Variants in TRPM3 observed in about 807,000 individuals in gnomAD.
TRPM3 encodes transient receptor potential cation channel subfamily M member 3.
In TRPM3, 77 loss-of-function variants were observed where a neutral mutation model predicts 181.2. The observed-to-expected ratio is 0.42, with a 90% CI of 0.35 to 0.51. The LOEUF (loss-of-function observed/expected upper bound fraction) is 0.51, where lower values mean the gene tolerates loss of function less well. TRPM3 is among the 20% of genes least tolerant of loss of function. The pLI is 0.01. For synonymous variants in TRPM3, 745 were observed against 796.4 expected (o/e 0.94, Z 1.09); for missense variants, 1,759 against 2,196.7 (o/e 0.80, Z 3.98).
chr9:70,773,528 T>G (rs1208477730), intron 7 of TRPM3, among the ~76,000 whole-genome samples: 1 of 152,132 alleles, frequency 6.6e-6, no homozygotes, highest in African/African-American at 2.4e-5. Flanking sequence ...TCAAAGTAAT[T>G]TCTCAAAATA....
At chr9:71,429,194 T>C (rs1267659190) in intron 1 of TRPM3, among the ~76,000 whole-genome samples, 1 of 152,186 alleles carries the variant, frequency 6.6e-6, no homozygotes, top group East Asian at 1.9e-4. Flanking sequence ...ATGTTTTTTC[T>C]GGTAGCTCAC....
intron 1 of TRPM3, among the ~76,000 whole-genome samples, chr9:70,997,492 GCCCTAT>G (rs969173334): frequency 6.6e-6 from 1 of 152,148 alleles, no homozygotes; most frequent in Non-Finnish European, 1.5e-5. Flanking sequence ...ACCGCGCCCG[GCCCTAT>G]CTTAATACTT....
At chr9:70,635,746 G>A (rs1013212068) in intron 11 of TRPM3, among the ~76,000 whole-genome samples, 1 of 152,104 alleles carries the variant, frequency 6.6e-6, no homozygotes, top group East Asian at 1.9e-4. Flanking sequence ...ATAGGCATAA[G>A]CTACCATACT....
intron 5 of TRPM3, among the ~76,000 whole-genome samples, chr9:70,833,391 T>G (rs1195012400): frequency 6.6e-6 from 1 of 152,182 alleles, no homozygotes; most frequent in Non-Finnish European, 1.5e-5. Context: ...GGCAGGGTAG[T>G]GGATGTGTGG....
At chr9:71,134,679 G>T (rs2074657054) in intron 1 of TRPM3, among the ~76,000 whole-genome samples, 1 of 152,060 alleles carries the variant, frequency 6.6e-6, no homozygotes, top group African/African-American at 2.4e-5. Context: ...ATTCAATGTG[G>T]CAGTGATCTC....
At position 70,679,696 on chromosome 9, in the gene TRPM3, T is replaced by TA. The variant is rs549269792; in HGVS notation, c.1345+1809dup. Reference sequence around the variant, plus strand: ...TTCCTTATTTATAAAATAGAGCCTGTAAAATCTGGTAATTGAACTATTGTA... The same window carrying TA: ...TTCCTTATTTATAAAATAGAGCCTGTAAAAATCTGGTAATTGAACTATTGTA... On this transcript the variant is annotated intron_variant, in intron 9 of 25. Transcript: ENST00000677713. Among the ~76,000 whole-genome samples, 190 of 152,330 alleles carry TA rather than the reference T, an allele frequency of 1.2e-3. 1 individual carries two copies. The highest frequency in any genetic ancestry group is 4.3e-3 in the African/African-American group (178 of 41,576).
chr9:71,194,465 T>G (rs976619754), intron 1 of TRPM3, among the ~76,000 whole-genome samples: 43 of 151,854 alleles, frequency 2.8e-4, no homozygotes, highest in African/African-American at 9.4e-4. Context: ...CTGGATCCAG[T>G]TGGTCCATGA....
intron 1 of TRPM3, among the ~76,000 whole-genome samples, chr9:71,410,959 A>G (rs565861309): frequency 7.8e-4 from 119 of 152,348 alleles, no homozygotes; most frequent in Non-Finnish European, 1.6e-4. Flanking sequence ...TATGAAAATC[A>G]ATAAACGTAA....
intron 1 of TRPM3, among the ~76,000 whole-genome samples, chr9:70,923,528 A>G (rs1331028627): frequency 6.6e-6 from 1 of 152,174 alleles, no homozygotes. Flanking sequence ...AAAAAAAGTA[A>G]CTATTTTACC....
intron 1 of TRPM3, among the ~76,000 whole-genome samples, chr9:71,331,728 A>AGGAGAAAAAGGAGGAGGAGGAAAAGGG (rs1052156729): frequency 5.1e-5 from 6 of 118,332 alleles, no homozygotes; most frequent in East Asian, 5.9e-4. Context: ...GAGGAAAAGG[A>AGGAGAAAAAGGAGGAGGAGGAAAAGGG]GGAGAAAAAG....
chr9:71,309,854 A>G (rs1259303886), intron 1 of TRPM3, among the ~76,000 whole-genome samples: 1 of 152,090 alleles, frequency 6.6e-6, no homozygotes, highest in Non-Finnish European at 1.5e-5. Flanking sequence ...TCAGCATGCT[A>G]TTTTTAAAAA....
chr9:70,942,865 C>A (rs762267589), intron 1 of TRPM3, among the ~76,000 whole-genome samples: 7 of 152,062 alleles, frequency 4.6e-5, no homozygotes, highest in Non-Finnish European at 8.8e-5. Context: ...GGACATTTTT[C>A]TTTTTATCAA....
In TRPM3 at chr9:70,677,648, C is replaced by T. The variant is rs77454308; in HGVS notation, c.1345+3858G>A. Among the ~76,000 whole-genome samples the T allele has an allele frequency of 5.7e-3, 876 of 152,348 alleles. 9 individuals are homozygous for T. Among genetic ancestry groups the T allele is most frequent in the African/African-American group, 0.02 (827 of 41,576 alleles). On this transcript the variant is annotated intron_variant, in intron 9 of 25. Transcript: ENST00000677713. ...GTAATCATATTTCTACAGAGCTGTT[C>T]ATACTTCACTGAGCCTAAGCATAAA...
intron 1 of TRPM3, among the ~76,000 whole-genome samples, chr9:71,201,862 T>C (rs576366166): frequency 5.3e-4 from 81 of 152,334 alleles, no homozygotes; most frequent in African/African-American, 1.8e-3. Flanking sequence ...CTTTGTTCCA[T>C]TGCTGGTGAG....
intron 1 of TRPM3, among the ~76,000 whole-genome samples, chr9:71,078,809 T>C (rs1454210691): frequency 1.3e-5 from 2 of 151,610 alleles, no homozygotes; most frequent in African/African-American, 2.4e-5. Flanking sequence ...TTCATTTCAA[T>C]TTAGAGCATA....
intron 1 of TRPM3, among the ~76,000 whole-genome samples, chr9:71,140,921 G>C (rs1463243018): frequency 6.6e-6 from 1 of 152,142 alleles, no homozygotes; most frequent in Non-Finnish European, 1.5e-5. Flanking sequence ...TTTTAAAGGA[G>C]CATTCCTGAG....
intron 1 of TRPM3, among the ~76,000 whole-genome samples, chr9:71,127,315 A>ACACACACACACACACACC (rs755435076): frequency 1.3e-4 from 20 of 151,550 alleles, no homozygotes; most frequent in Non-Finnish European, 2.4e-4. Flanking sequence ...ACACACACAC[A>ACACACACACACACACACC]CCCCTGAACT....
At chr9:71,373,620 C>A (rs1160798572) in intron 1 of TRPM3, among the ~76,000 whole-genome samples, 1 of 151,992 alleles carries the variant, frequency 6.6e-6, no homozygotes, top group African/African-American at 2.4e-5. Context: ...AGTTCTGAAA[C>A]TGAGGCAGCA....
chr9:71,173,382 C>T (rs2076956571), intron 1 of TRPM3, among the ~76,000 whole-genome samples: 1 of 152,096 alleles, frequency 6.6e-6, no homozygotes, highest in Admixed American at 6.6e-5. Context: ...TCTATTAATA[C>T]ACTGGAAAGG....
Sources: allele counts gnomAD v4.1 joint callset (sites outside exome capture counted in the v4.1 genomes callset), GRCh38; gene constraint gnomAD v4.1.1; transcripts MANE v1.5; gene names NCBI Gene and HGNC (gene_info 2026-07-23, HGNC 2026-07-21).